The following CDKAL1 variants were observed in gnomAD, a reference collection of about 807,000 sequenced individuals.
CDKAL1 encodes threonylcarbamoyladenosine tRNA methylthiotransferase.
CDKAL1 carries 32 observed loss-of-function variants against 68.2 expected under a neutral mutation model. The ratio of observed to expected loss-of-function variants is 0.47; its 90% CI spans 0.35 to 0.63. The LOEUF is 0.63. Ranked by LOEUF, CDKAL1 falls within the 30% of genes least tolerant of loss-of-function variation. CDKAL1 has a pLI of 0.00. For missense variants in CDKAL1, 606 were observed against 696.7 expected, an observed-to-expected ratio of 0.87 and a Z score of 1.47; for synonymous variants, 234 against 244.3, an observed-to-expected ratio of 0.96 and a Z score of 0.39.
intron 2 of CDKAL1, among the ~76,000 whole-genome samples, chr6:20,546,003 A>G (rs1253089528): frequency 6.6e-6 from 1 of 152,208 alleles, no homozygotes; most frequent in African/African-American, 2.4e-5. Context: ...AAGAACATGA[A>G]CTGCATTTTG....
chr6:21,152,780 A>C (rs1776472279), intron 13 of CDKAL1, among the ~76,000 whole-genome samples: 1 of 152,186 alleles, frequency 6.6e-6, no homozygotes, highest in Non-Finnish European at 1.5e-5. Context: ...GTCTTTTGTG[A>C]TCTTTGTTTA....
At chr6:21,212,410 C>A (rs539472534) in intron 15 of CDKAL1, among the ~76,000 whole-genome samples, 65 of 152,248 alleles carry the variant, frequency 4.3e-4, no homozygotes, top group African/African-American at 1.5e-3. Context: ...ATTGCAAAAG[C>A]CCCTTTTTAA....
chr6:21,089,040 G>C (rs1041902376), intron 12 of CDKAL1, among the ~76,000 whole-genome samples: 2 of 152,212 alleles, frequency 1.3e-5, no homozygotes, highest in African/African-American at 4.8e-5. Context: ...CAACTTTACA[G>C]TATATTATGC....
intron 10 of CDKAL1, among the ~76,000 whole-genome samples, chr6:20,991,004 A>T (rs540899786): frequency 6.6e-6 from 1 of 152,350 alleles, no homozygotes; most frequent in East Asian, 1.9e-4. Context: ...AACAAGATAT[A>T]CCTGTGGGAT....
chr6:20,614,503 T>C (rs564789061), intron 4 of CDKAL1, among the ~76,000 whole-genome samples: 6 of 152,304 alleles, frequency 3.9e-5, no homozygotes, highest in African/African-American at 1.4e-4. Context: ...TACCAAAAGC[T>C]AACTTACTAA....
intron 5 of CDKAL1, among the ~76,000 whole-genome samples, chr6:20,732,267 T>C (rs199616189): frequency 8.6e-4 from 65 of 75,580 alleles, no homozygotes; most frequent in South Asian, 3.7e-3. Flanking sequence ...TTCTTTCTTT[T>C]TTTTTTTTTT....
chr6:20,745,665 G>A lies in CDKAL1; in HGVS notation c.468+6050G>A, dbSNP rs142277096. On this transcript the variant is annotated intron_variant, in intron 6 of 15. Transcript: ENST00000274695. ...AGTATGGATTCAGGAACTAGATTGCGTGGGTTCAAATTGCTGATCTCAAAT... is the reference window on the plus strand; with the variant it reads ...AGTATGGATTCAGGAACTAGATTGCATGGGTTCAAATTGCTGATCTCAAAT... Among the ~76,000 whole-genome samples the A allele has an allele frequency of 3.7e-3, 559 of 152,174 alleles. 5 individuals carry two copies. The highest frequency in any genetic ancestry group is 0.013 in the African/African-American group (521 of 41,526).
intron 4 of CDKAL1, among the ~76,000 whole-genome samples, chr6:20,616,994 T>C (rs1581830736): frequency 6.7e-6 from 1 of 149,314 alleles, no homozygotes; most frequent in East Asian, 2.0e-4. Flanking sequence ...GAGCTGTGAT[T>C]GCACCACTGC....
intron 10 of CDKAL1, among the ~76,000 whole-genome samples, chr6:20,983,361 C>A (rs1766259796): frequency 6.6e-6 from 1 of 152,188 alleles, no homozygotes; most frequent in African/African-American, 2.4e-5. Flanking sequence ...GAAAATTTTG[C>A]AAATTATGAA....
At chr6:21,164,807 A>G (rs774093999) in intron 13 of CDKAL1, among the ~76,000 whole-genome samples, 8 of 152,146 alleles carry the variant, frequency 5.3e-5, no homozygotes, top group Non-Finnish European at 1.2e-4. Flanking sequence ...GCCAGCCTTT[A>G]AGCCACCACT....
At chr6:20,728,350 T>C (rs1357590473) in intron 5 of CDKAL1, among the ~76,000 whole-genome samples, 1 of 152,196 alleles carries the variant, frequency 6.6e-6, no homozygotes, top group Admixed American at 6.5e-5. Context: ...TTGTTGATTT[T>C]CATCGTTTAC....
chr6:20,957,635 A>C (rs1411023863), intron 10 of CDKAL1, among the ~76,000 whole-genome samples: 1 of 152,142 alleles, frequency 6.6e-6, no homozygotes, highest in Non-Finnish European at 1.5e-5. Context: ...GATCTATCCC[A>C]CCCAGTAGTG....
intron 9 of CDKAL1, among the ~76,000 whole-genome samples, chr6:20,892,124 A>G (rs1426988024): frequency 1.3e-5 from 2 of 152,230 alleles, no homozygotes; most frequent in African/African-American, 4.8e-5. Flanking sequence ...GTAATGAAGA[A>G]GACATGGGGA....
chr6:20,684,389 C>T (rs1245430323), intron 5 of CDKAL1, among the ~76,000 whole-genome samples: 1 of 152,184 alleles, frequency 6.6e-6, no homozygotes, highest in Admixed American at 6.5e-5. Context: ...TTGCAGTGAG[C>T]CAAGATCGTG....
intron 12 of CDKAL1, among the ~76,000 whole-genome samples, chr6:21,103,407 G>A (rs1014938782): frequency 1.3e-5 from 2 of 149,150 alleles, no homozygotes; most frequent in African/African-American, 5.0e-5. Flanking sequence ...GTTTGGTTTT[G>A]TCTGAAAAGG....
rs904256804 is a variant in CDKAL1, at chr6:20,665,381, T to C, written c.371+16004T>C. On this transcript the variant is annotated intron_variant, in intron 5 of 15. Transcript: ENST00000274695. ...ATACGTATTTCAAAATACAAATGCT[T>C]AGGCACAAATATACTAGAAGACCTA... Among the ~76,000 whole-genome samples, 25 of 152,154 alleles carry C rather than the reference T, an allele frequency of 1.6e-4. 1 individual carries two copies. The highest frequency in any genetic ancestry group is 6.6e-5 in the Admixed American group (1 of 15,258).
intron 13 of CDKAL1, among the ~76,000 whole-genome samples, chr6:21,128,306 T>C (rs767468385): frequency 8.5e-5 from 13 of 152,232 alleles, no homozygotes; most frequent in Non-Finnish European, 1.8e-4. Flanking sequence ...TAGGCTAGGC[T>C]ACGATGTTCA....
At chr6:21,066,093 G>A (rs1221497419) in intron 12 of CDKAL1, among the ~76,000 whole-genome samples, 2 of 151,942 alleles carry the variant, frequency 1.3e-5, no homozygotes, top group East Asian at 3.9e-4. Flanking sequence ...AAATAATCCA[G>A]AGCTTGTTAC....
At chr6:21,031,911 A>G (rs1409465384) in intron 11 of CDKAL1, among the ~76,000 whole-genome samples, 1 of 152,130 alleles carries the variant, frequency 6.6e-6, no homozygotes, top group African/African-American at 2.4e-5. Flanking sequence ...GCTGAGGACC[A>G]TCCTGGTTTA....
Sources: gnomAD v4.1 joint callset for allele counts (sites outside exome capture counted in the v4.1 genomes callset) on GRCh38, gnomAD v4.1.1 for gene constraint, MANE v1.5 for transcripts, NCBI Gene and HGNC (gene_info 2026-07-23, HGNC 2026-07-21) for gene names.